The following WDR45B variants were observed in gnomAD, a reference collection of about 807,000 sequenced individuals.
WDR45B encodes the protein WD repeat domain phosphoinositide-interacting protein 3.
Under a neutral mutation model 44.6 loss-of-function variants are expected in WDR45B, and 20 were observed. That is an observed-to-expected ratio of 0.45 (90% CI 0.32 to 0.65). The LOEUF (loss-of-function observed/expected upper bound fraction) is 0.65, where lower values mean the gene tolerates loss of function less well. Among genes scored for constraint, WDR45B ranks in the 30% least tolerant of loss-of-function variants. The pLI, the probability that WDR45B is intolerant of heterozygous loss-of-function variation, is 0.05. For missense variants in WDR45B, 323 were observed against 430.2 expected (o/e 0.75, Z 2.20); for synonymous variants, 169 against 164.9 (o/e 1.02, Z -0.19).
intron 2 of WDR45B, among the ~76,000 whole-genome samples, chr17:82,632,384 C>T (rs765323913): frequency 5.9e-5 from 9 of 152,174 alleles, no homozygotes; most frequent in African/African-American, 1.2e-4. Flanking sequence ...CCAGGCTGGT[C>T]GTGAACTCCT....
At chr17:82,632,750 G>A (rs569200541) in intron 2 of WDR45B, among the ~76,000 whole-genome samples, 37 of 152,212 alleles carry the variant, frequency 2.4e-4, no homozygotes, top group African/African-American at 7.0e-4. Context: ...CAAGGCAGCC[G>A]GGCACAGTGG....
chr17:82,643,895 AG>A (rs1467790543), intron 2 of WDR45B, 53 bp downstream of exon 2: 1 of 1,372,726 alleles, frequency 7.3e-7, no homozygotes, highest in African/African-American at 3.2e-5. Flanking sequence ...GTTAAATTTA[AG>A]ACTCCGAGGG....
At chr17:82,646,610 C>A (rs1363460579) in intron 1 of WDR45B, among the ~76,000 whole-genome samples, 2 of 151,676 alleles carry the variant, frequency 1.3e-5, no homozygotes, top group South Asian at 2.1e-4. Flanking sequence ...AGGTAGGGAG[C>A]ATTTATTGGA....
At chr17:82,642,879 T>C (rs549695250) in intron 2 of WDR45B, among the ~76,000 whole-genome samples, 1 of 152,366 alleles carries the variant, frequency 6.6e-6, no homozygotes, top group African/African-American at 2.4e-5. Context: ...TGTAAGCTTC[T>C]GGGTCAATTC....
At chr17:82,632,088 T>TAAATAAAAACAA (rs1159773066) in intron 2 of WDR45B, among the ~76,000 whole-genome samples, 1 of 151,548 alleles carries the variant, frequency 6.6e-6, no homozygotes, top group African/African-American at 2.4e-5. Context: ...TCAAGATAAA[T>TAAATAAAAACAA]AAATAAAAAC....
chr17:82,646,632 C>T (rs2045982152), intron 1 of WDR45B, among the ~76,000 whole-genome samples: 1 of 151,930 alleles, frequency 6.6e-6, no homozygotes, highest in Non-Finnish European at 1.5e-5. Context: ...TCAAGCGTGG[C>T]CAGGTATATT....
At chr17:82,617,986 T>C (rs765782625) in intron 7 of WDR45B, among the ~76,000 whole-genome samples, 1 of 152,062 alleles carries the variant, frequency 6.6e-6, no homozygotes, top group South Asian at 2.1e-4. Flanking sequence ...TAGAGCGCAG[T>C]AGCACGACCT....
At chr17:82,643,778 T>C (rs554583941) in intron 2 of WDR45B, among the ~76,000 whole-genome samples, 171 bp downstream of exon 2, 9 of 152,116 alleles carry the variant, frequency 5.9e-5, no homozygotes, top group African/African-American at 2.2e-4. Flanking sequence ...TCAGCACCTG[T>C]AGAAGCTCAA....
intron 7 of WDR45B, 132 bp from the exon 8 acceptor site, chr17:82,617,529 C>A: frequency 1.2e-6 from 1 of 867,400 alleles, no homozygotes; most frequent in South Asian, 1.4e-5. Flanking sequence ...CTGAATACTG[C>A]CCTTTCTTTA....
In WDR45B at chr17:82,621,762, G is replaced by A. The variant is rs1259738258; in HGVS notation, c.465C>T (p.Leu155=). Reference sequence around the variant, plus strand: ...CCGTGTGCGTGCCCGGAAAGGCCAGGAGGGAGTTGTTACTATTGGGACAAA... The same window carrying A: ...CCGTGTGCGTGCCCGGAAAGGCCAGAAGGGAGTTGTTACTATTGGGACAAA... The part of the protein sequence containing the change: ...CVLCPNSNNS[L]LAFPGTHTGH... The change falls in exon 6 of 10, where the codon CTC becomes CTT. Residue 155 remains leucine, a synonymous_variant. Coordinates refer to ENST00000392325, the MANE Select transcript of WDR45B (RefSeq NM_019613.4). The A allele has an allele frequency of 8.1e-6, 13 of 1,614,088 alleles. No individual in the cohort carries two copies. The highest frequency in any genetic ancestry group is 1.0e-5 in the Non-Finnish European group (12 of 1,180,062).
intron 8 of WDR45B, among the ~76,000 whole-genome samples, chr17:82,617,047 C>T (rs2045546742): frequency 6.6e-6 from 1 of 152,208 alleles, no homozygotes; most frequent in Non-Finnish European, 1.5e-5. Context: ...GAACTCCTGA[C>T]CTCAGGTGAT....
At chr17:82,638,228 AGAGGAGGGG>A (rs2045863210) in intron 2 of WDR45B, among the ~76,000 whole-genome samples, 1 of 5,478 alleles carries the variant, frequency 1.8e-4, no homozygotes, top group Non-Finnish European at 2.8e-4. Flanking sequence ...AGGGGAGGGG[AGAGGAGGGG>A]AGGGGAGGGG....
intron 2 of WDR45B, among the ~76,000 whole-genome samples, chr17:82,634,986 A>G (rs1293134061): frequency 1.3e-5 from 2 of 151,998 alleles, no homozygotes; most frequent in African/African-American, 2.4e-5. Flanking sequence ...GTTCATGGAG[A>G]CAGAAAAGTA....
At chr17:82,643,573 C>T (rs781424236) in intron 2 of WDR45B, among the ~76,000 whole-genome samples, 2 of 152,116 alleles carry the variant, frequency 1.3e-5, no homozygotes, top group African/African-American at 4.8e-5. Flanking sequence ...CCCTGACTTA[C>T]AAAATAAACT....
chr17:82,639,474 C>G (rs2045880603), intron 2 of WDR45B, among the ~76,000 whole-genome samples: 1 of 152,046 alleles, frequency 6.6e-6, no homozygotes, highest in Non-Finnish European at 1.5e-5. Context: ...CCAAACTTCC[C>G]CTTTCCACCT....
chr17:82,628,774 C>A (rs972197202), intron 3 of WDR45B, among the ~76,000 whole-genome samples: 1 of 151,536 alleles, frequency 6.6e-6, no homozygotes, highest in African/African-American at 2.4e-5. Context: ...CAGAGGCAGG[C>A]GGATCAATGG....
rs565756109 is a variant in WDR45B, at chr17:82,624,323, A to G, written c.427+1066T>C. Among the ~76,000 whole-genome samples, 123 of 149,486 alleles carry G rather than the reference A, an allele frequency of 8.2e-4. 1 individual carries two copies. The highest frequency in any genetic ancestry group is 1.3e-3 in the Admixed American group (19 of 15,074). On this transcript the variant is annotated intron_variant, in intron 5 of 9. Coordinates refer to ENST00000392325, the MANE Select transcript of WDR45B (RefSeq NM_019613.4). ...GTCGCCCAGGCGGGAGTGCAGTGGCACAATCTCGGCTCACCGCAAGCTCCG... is the reference window on the plus strand; with the variant it reads ...GTCGCCCAGGCGGGAGTGCAGTGGCGCAATCTCGGCTCACCGCAAGCTCCG...
intron 2 of WDR45B, among the ~76,000 whole-genome samples, chr17:82,637,832 C>T (rs1002852982): frequency 6.6e-6 from 1 of 151,830 alleles, no homozygotes; most frequent in African/African-American, 2.4e-5. Flanking sequence ...GCATTCCTTT[C>T]CCAGGGGCAG....
chr17:82,648,013 G>A (rs538454229), intron 1 of WDR45B, among the ~76,000 whole-genome samples: 3 of 128,954 alleles, frequency 2.3e-5, no homozygotes, highest in Non-Finnish European at 5.1e-5. Flanking sequence ...GGCCGGCTGG[G>A]AGCGGTCACA....
Sources: allele counts gnomAD v4.1 joint callset (sites outside exome capture counted in the v4.1 genomes callset), GRCh38; gene constraint gnomAD v4.1.1; transcripts MANE v1.5; gene names NCBI Gene and HGNC (gene_info 2026-07-23, HGNC 2026-07-21).